The following AOPEP variants were observed in gnomAD, a reference collection of about 807,000 sequenced individuals.
AOPEP encodes the protein aminopeptidase O.
Under a neutral mutation model 98.1 loss-of-function variants are expected in AOPEP, and 77 were observed. The ratio of observed to expected loss-of-function variants is 0.78; its 90% CI spans 0.65 to 0.95. The LOEUF is 0.95. AOPEP is among the 40% of genes least tolerant of loss of function. The pLI is 0.00. For synonymous variants in AOPEP, 346 were observed against 365.3 expected (o/e 0.95, Z 0.60); for missense variants, 1,024 against 1,024.7 (o/e 1.00, Z 0.01).
At chr9:95,143,178 G>A in the AOPEP span, among the ~76,000 whole-genome samples, 1 of 152,210 alleles carries the variant, frequency 6.6e-6, no homozygotes. Context: ...TTCAGGAACA[G>A]CCACATGGAA....
intron 11 of AOPEP, among the ~76,000 whole-genome samples, chr9:94,990,986 G>A (rs377593635): frequency 6.6e-6 from 1 of 152,172 alleles, no homozygotes; most frequent in Non-Finnish European, 1.5e-5. Context: ...GGTAAAGCCC[G>A]GCAAAGCAGT....
chr9:95,149,135 G>A, the AOPEP span, among the ~76,000 whole-genome samples: 2 of 151,760 alleles, frequency 1.3e-5, no homozygotes, highest in African/African-American at 2.4e-5. Flanking sequence ...TTGTGTTAAC[G>A]TGTAATAAAA....
the AOPEP span, among the ~76,000 whole-genome samples, chr9:95,141,985 G>GTTTTTTTTTTTTTTTTTTTTTTTTTTTTT: frequency 3.6e-5 from 3 of 83,138 alleles, no homozygotes; most frequent in Non-Finnish European, 4.2e-5. Flanking sequence ...AGTTTGTGGG[G>GTTTTTTTTTTTTTTTTTTTTTTTTTTTTT]TTTTTTTTTT....
chr9:94,910,682 A>G lies in AOPEP; in HGVS notation c.1365-13304A>G, dbSNP rs16911829. Among the ~76,000 whole-genome samples the G allele has an allele frequency of 5.0e-3, 765 of 152,290 alleles. 29 individuals are homozygous for G. In the East Asian group the frequency reaches 0.09, roughly 18 times the overall value. ...CCAGGGCCATCCTCTGCACTTTTAT[A>G]TGATGAGGTGCAGCAGTGTTTCTAA... On this transcript the variant is annotated intron_variant, in intron 5 of 16. Transcript: ENST00000375315.
the AOPEP span, among the ~76,000 whole-genome samples, chr9:95,134,880 AG>A: frequency 1.3e-5 from 2 of 152,250 alleles, no homozygotes; most frequent in South Asian, 4.1e-4. Context: ...TCACACCAAA[AG>A]AAAACTTACA....
At chr9:94,938,604 A>G (rs1353397034) in intron 7 of AOPEP, among the ~76,000 whole-genome samples, 1 of 152,208 alleles carries the variant, frequency 6.6e-6, no homozygotes, top group East Asian at 1.9e-4. Flanking sequence ...GGACATTAAC[A>G]TGAGAATGGA....
the AOPEP span, chr9:95,123,452 C>A: frequency 2.2e-6 from 1 of 460,542 alleles, no homozygotes; most frequent in Non-Finnish European, 4.3e-6. Context: ...CCAGCCCGGG[C>A]AACATGGTGA....
In AOPEP at chr9:94,760,323, T is replaced by C; in HGVS notation, c.540T>C (p.Ser180=). The change falls in exon 2 of 17, where the codon TCT becomes TCC. Residue 180 remains serine (S), a synonymous_variant. Coordinates refer to ENST00000375315, the MANE Select transcript of AOPEP (RefSeq NM_001193329.3). ...FTRSPELTVV[S]EEFRNQIVRE... is the part of the protein sequence containing the mutation. ...GGTCTCCTGAGCTCACGGTTGTTTC[T>C]GAGGAGTTCAGGAATCAGATTGTAC... 1 of 1,614,228 alleles carries C rather than the reference T, an allele frequency of 6.2e-7. No individual in the cohort carries two copies. Among genetic ancestry groups the C allele is most frequent in the Non-Finnish European group, 8.5e-7 (1 of 1,180,042 alleles).
chr9:95,054,624 T>C (rs2066666942), intron 13 of AOPEP, among the ~76,000 whole-genome samples: 1 of 152,364 alleles, frequency 6.6e-6, no homozygotes, highest in African/African-American at 2.4e-5. Context: ...TTTTAGGTTC[T>C]GTGGTGCCAC....
intron 5 of AOPEP, among the ~76,000 whole-genome samples, chr9:94,910,624 G>C (rs992753683): frequency 6.6e-6 from 1 of 152,226 alleles, no homozygotes; most frequent in Non-Finnish European, 1.5e-5. Flanking sequence ...CGAGGGTCCA[G>C]CTCTTTCGGA....
At chr9:94,852,293 G>C (rs2043650506) in intron 5 of AOPEP, among the ~76,000 whole-genome samples, 1 of 152,192 alleles carries the variant, frequency 6.6e-6, no homozygotes, top group South Asian at 2.1e-4. Flanking sequence ...AAGCTCCCCA[G>C]ATGATTTTAA....
At chr9:94,924,324 G>C in intron 6 of AOPEP, 149 bp downstream of exon 6, 1 of 496,358 alleles carries the variant, frequency 2.0e-6, no homozygotes. Flanking sequence ...AGAGAGGGAA[G>C]CCCCTACTCC....
chr9:94,942,326 T>C (rs976786644), intron 7 of AOPEP, among the ~76,000 whole-genome samples: 7 of 152,240 alleles, frequency 4.6e-5, no homozygotes, highest in African/African-American at 1.7e-4. Flanking sequence ...ATTTGCTTAC[T>C]TCCTGTGCCC....
the AOPEP span, among the ~76,000 whole-genome samples, chr9:95,103,750 G>A: frequency 6.6e-6 from 1 of 152,238 alleles, no homozygotes; most frequent in African/African-American, 2.4e-5. Flanking sequence ...GCCTCCAGGT[G>A]CCTGGAGAAG....
In AOPEP at chr9:95,084,987, G is replaced by A. The variant is rs542915006; in HGVS notation, c.*5-1695G>A. ...TAGCAATTGTGTGTGTCGCATGGCC[G>A]GTCCCTGCATTTTTCTTCAGTTCCA... On this transcript the variant is annotated intron_variant, in intron 16 of 16. Coordinates refer to ENST00000375315, the MANE Select transcript of AOPEP (RefSeq NM_001193329.3). Among the ~76,000 whole-genome samples the A allele has an allele frequency of 3.9e-5, 6 of 152,314 alleles. 1 individual carries two copies. In the East Asian group the frequency reaches 5.8e-4, roughly 15 times the overall value.
At chr9:94,866,663 T>G (rs186970601) in intron 5 of AOPEP, among the ~76,000 whole-genome samples, 1 of 152,340 alleles carries the variant, frequency 6.6e-6, no homozygotes, top group Admixed American at 6.5e-5. Context: ...AATTGTAGGA[T>G]TTTTATAAAA....
chr9:95,137,187 GTGAA>G, the AOPEP span, among the ~76,000 whole-genome samples: 1 of 152,218 alleles, frequency 6.6e-6, no homozygotes, highest in Non-Finnish European at 1.5e-5. Flanking sequence ...CAGAGCTGGT[GTGAA>G]GCCCAGCAAC....
the AOPEP span, among the ~76,000 whole-genome samples, chr9:95,115,652 T>G: frequency 2.0e-5 from 3 of 152,206 alleles, no homozygotes; most frequent in African/African-American, 7.2e-5. Context: ...AGTTTTCACA[T>G]AGTGATAGAT....
the AOPEP span, chr9:95,101,171 G>A: frequency 4.0e-6 from 1 of 249,534 alleles, no homozygotes; most frequent in Non-Finnish European, 7.9e-6. Context: ...CTGTCAGGCA[G>A]GTCCAGGGAG....
Sources: gnomAD v4.1 joint callset for allele counts (sites outside exome capture counted in the v4.1 genomes callset) on GRCh38, gnomAD v4.1.1 for gene constraint, MANE v1.5 for transcripts, NCBI Gene and HGNC (gene_info 2026-07-23, HGNC 2026-07-21) for gene names.